The following DPYSL2 variants were observed in gnomAD, a reference collection of about 807,000 sequenced individuals.
DPYSL2 encodes dihydropyrimidinase like 2.
A neutral mutation model predicts 69.9 loss-of-function variants in DPYSL2; 13 were observed. The observed-to-expected ratio is 0.19, with a 90% CI of 0.12 to 0.30. DPYSL2 has a LOEUF of 0.30. Among genes scored for constraint, DPYSL2 ranks in the 10% least tolerant of loss-of-function variants. The pLI is 1.00. For synonymous variants in DPYSL2, 326 were observed against 359.1 expected, an observed-to-expected ratio of 0.91 and a Z score of 1.04; for missense variants, 587 against 918.9, an observed-to-expected ratio of 0.64 and a Z score of 4.67.
chr8:26,552,005 G>A (rs111309654), intron 1 of DPYSL2, among the ~76,000 whole-genome samples: 1,691 of 151,968 alleles, frequency 0.011, 15 homozygotes, highest in Non-Finnish European at 0.015. Flanking sequence ...ATAGAGACGC[G>A]GTCTGACTAT....
rs755418814 is a variant in DPYSL2 at position 26,641,315 on chromosome 8, G to A, written c.1127-2124G>A. 1.9e-4 allele frequency among the ~76,000 whole-genome samples: 29 copies of A among 152,178 alleles called. No homozygotes were observed. The highest frequency in any genetic ancestry group is 3.9e-4 in the East Asian group (2 of 5,190). On this transcript the variant is annotated intron_variant, in intron 8 of 13. Transcript: ENST00000521913. This position sits in a 1 kb window ranked among gnomAD's most constrained non-coding sequence, Gnocchi z 4.1. ...AAAAGCAGGAAGCCTTTAGGGCCACGCATCTCTTGTTTTCCTGTGACTTAC... is the reference window on the plus strand; with the variant it reads ...AAAAGCAGGAAGCCTTTAGGGCCACACATCTCTTGTTTTCCTGTGACTTAC...
rs1585572809 is a variant in DPYSL2 at position 26,648,031 on chromosome 8, A to G, written c.1596+231A>G. ...CATTTTGGAATACCACAGCCTCTCTATCTATAGACCTTTAGAGCCTCTAAA... is the reference window on the plus strand; with the variant it reads ...CATTTTGGAATACCACAGCCTCTCTGTCTATAGACCTTTAGAGCCTCTAAA... On this transcript the variant is annotated intron_variant, in intron 11 of 13. Coordinates refer to ENST00000521913, the MANE Select transcript of DPYSL2 (RefSeq NM_001197293.3). This position sits in a 1 kb window ranked among gnomAD's most constrained non-coding sequence, Gnocchi z 4.3. Among the ~76,000 whole-genome samples the G allele has an allele frequency of 1.3e-5, 2 of 152,186 alleles. No individual in the cohort carries two copies. The highest frequency in any genetic ancestry group is 4.1e-4 in the South Asian group (2 of 4,828).
intron 1 of DPYSL2, chr8:26,577,179 C>G (rs1270682405): frequency 2.2e-6 from 1 of 446,300 alleles, no homozygotes; most frequent in African/African-American, 2.1e-5. Flanking sequence ...AGCCCGGCGC[C>G]TCCACGCGGG....
chr8:26,652,200 G>T lies in DPYSL2; in HGVS notation c.1597-57G>T. 1 of 1,527,048 alleles carries T rather than the reference G, an allele frequency of 6.5e-7. No individual in the cohort carries two copies. 94.6% of individuals were successfully genotyped at this position (1,527,048 alleles called of 1,614,324 possible). ...GGGTTGGGGCAGTGGGTGCTGCCGGGTGGATTGAGTCCAGCCAGAGTGGCC... is the reference window on the plus strand; with the variant it reads ...GGGTTGGGGCAGTGGGTGCTGCCGGTTGGATTGAGTCCAGCCAGAGTGGCC... On this transcript the variant is annotated intron_variant, in intron 11 of 13. Transcript: ENST00000521913. This position sits in a 1 kb window ranked among gnomAD's most constrained non-coding sequence, Gnocchi z 6.3.
rs1246472234 is a variant in DPYSL2, at chr8:26,517,976, C to A, written c.354+3297C>A. ...CCTACTCCATCCCCATAGCATGCCCCTTCTAGACCTTTCTTCTTCCAAAGG... is the reference window on the plus strand; with the variant it reads ...CCTACTCCATCCCCATAGCATGCCCATTCTAGACCTTTCTTCTTCCAAAGG... On this transcript the variant is annotated intron_variant, in intron 1 of 13. Transcript: ENST00000521913. This position sits in a 1 kb window ranked among gnomAD's most constrained non-coding sequence, Gnocchi z 4.2. Among the ~76,000 whole-genome samples the A allele has an allele frequency of 1.3e-5, 2 of 152,232 alleles. No individual in the cohort carries two copies. Among genetic ancestry groups the A allele is most frequent in the African/African-American group, 2.4e-5 (1 of 41,470 alleles).
intron 7 of DPYSL2, among the ~76,000 whole-genome samples, chr8:26,634,577 C>T (rs1161147728): frequency 1.3e-5 from 2 of 152,050 alleles, no homozygotes; most frequent in Non-Finnish European, 2.9e-5. Context: ...CCACTGTGTC[C>T]AGCCACAGGA....
chr8:26,516,621 A>C lies in DPYSL2; in HGVS notation c.354+1942A>C, dbSNP rs1478706610. On this transcript the variant is annotated intron_variant, in intron 1 of 13. Coordinates refer to ENST00000521913, the MANE Select transcript of DPYSL2 (RefSeq NM_001197293.3). The surrounding 1 kb of genome is among the most constrained non-coding windows in gnomAD (Gnocchi z 4.8). The stretch of plus-strand genomic sequence containing the variant: ...ATATGAAATTCTAAATTGTAAAACT[A>C]AGGCACGCAGAGGGGGAGATTTGAA... Among the ~76,000 whole-genome samples the C allele has an allele frequency of 6.6e-6, 1 of 152,174 alleles. No homozygotes were observed. The highest frequency in any genetic ancestry group is 2.4e-5 in the African/African-American group (1 of 41,444).
In DPYSL2 at chr8:26,621,652, C is replaced by T. The variant is rs139213416; in HGVS notation, c.629-2491C>T. ...GCCACCCTGGGATGGTGACATATAG[C>T]CCCAGTGAGAAGGATGAGGAGATGC... On this transcript the variant is annotated intron_variant, in intron 3 of 13. Coordinates refer to ENST00000521913, the MANE Select transcript of DPYSL2 (RefSeq NM_001197293.3). This position sits in a 1 kb window ranked among gnomAD's most constrained non-coding sequence, Gnocchi z 4.9. 0.012 allele frequency among the ~76,000 whole-genome samples: 1,888 copies of T among 152,152 alleles called. 30 individuals carry two copies. The highest frequency in any genetic ancestry group is 0.061 in the South Asian group (292 of 4,820).
In DPYSL2 at chr8:26,610,699, A is replaced by G. The variant is rs1420913072; in HGVS notation, c.629-13444A>G. Among the ~76,000 whole-genome samples, 2 of 152,132 alleles carry G rather than the reference A, an allele frequency of 1.3e-5. No homozygotes were observed. Among genetic ancestry groups the G allele is most frequent in the Admixed American group, 1.3e-4 (2 of 15,282 alleles). On this transcript the variant is annotated intron_variant, in intron 3 of 13. Transcript: ENST00000521913. The surrounding 1 kb of genome is among the most constrained non-coding windows in gnomAD (Gnocchi z 4.5). The stretch of plus-strand genomic sequence containing the variant: ...ATAGAAGGGTGCATCTCGTCTCCCC[A>G]CAACAGCACTGGAAGGTGCTAGAAC...
At chr8:26,534,098 G>A (rs141961242) in intron 1 of DPYSL2, among the ~76,000 whole-genome samples, 1 of 152,274 alleles carries the variant, frequency 6.6e-6, no homozygotes, top group African/African-American at 2.4e-5. Flanking sequence ...ACTGGTTATT[G>A]GAATTATTAG....
At chr8:26,524,835 A>AAAAAAAAAAAAAAAAAAAAG (rs1563374151) in intron 1 of DPYSL2, among the ~76,000 whole-genome samples, 2 of 74,228 alleles carry the variant, frequency 2.7e-5, no homozygotes, top group Non-Finnish European at 2.7e-5. Flanking sequence ...AAAAAAAAAA[A>AAAAAAAAAAAAAAAAAAAAG]AGAGAGAGAA....
intron 1 of DPYSL2, among the ~76,000 whole-genome samples, chr8:26,530,452 A>G (rs549846015): frequency 1.3e-5 from 2 of 152,322 alleles, no homozygotes; most frequent in African/African-American, 4.8e-5. Context: ...GGACTTTGAA[A>G]TTGTCATGGA....
chr8:26,578,160 A>AAAAAC (rs1305054483), intron 1 of DPYSL2: 17 of 1,601,462 alleles, frequency 1.1e-5, no homozygotes, highest in Admixed American at 7.1e-5. Flanking sequence ...TGCAAAGGAA[A>AAAAAC]AAAACAAAAC....
Position 26,643,512 on chromosome 8 carries a change from G to A in DPYSL2, c.1200G>A (p.Trp400Ter). The part of the protein sequence containing the change: ...TDGSHYWSKN[W>*]AKAAAFVTSP... Reference sequence around the variant, plus strand: ...GCTCCCATTACTGGAGCAAGAACTGGGCCAAGGCTGCTGCCTTTGTCACCT... The same window carrying A: ...GCTCCCATTACTGGAGCAAGAACTGAGCCAAGGCTGCTGCCTTTGTCACCT... Residue 400 changes from tryptophan (W) to a stop codon, truncating the protein, a stop_gained, in exon 9 of 14, where the codon TGG becomes TGA. Coordinates refer to ENST00000521913, the MANE Select transcript of DPYSL2 (RefSeq NM_001197293.3). LOFTEE classifies it high-confidence loss of function. The surrounding 1 kb of genome is among the most constrained non-coding windows in gnomAD (Gnocchi z 6.5). 6.2e-7 allele frequency: 1 copy of A among 1,613,662 alleles called. No individual in the cohort carries two copies. Among genetic ancestry groups the A allele is most frequent in the Non-Finnish European group, 8.5e-7 (1 of 1,179,796 alleles).
intron 3 of DPYSL2, 116 bp downstream of exon 3, chr8:26,584,099 A>G: frequency 1.0e-6 from 1 of 997,286 alleles, no homozygotes; most frequent in African/African-American, 1.6e-5. Flanking sequence ...AGTTCAATCT[A>G]CCAAATAAGG....
At chr8:26,522,599 T>C (rs1016600385) in intron 1 of DPYSL2, among the ~76,000 whole-genome samples, 5 of 152,232 alleles carry the variant, frequency 3.3e-5, no homozygotes, top group African/African-American at 1.2e-4. Flanking sequence ...TAATAACTAA[T>C]AATGTTGAGC....
intron 3 of DPYSL2, among the ~76,000 whole-genome samples, chr8:26,594,614 ATC>A (rs1470376465): frequency 6.6e-6 from 1 of 152,104 alleles, no homozygotes; most frequent in African/African-American, 2.4e-5. Flanking sequence ...ATTATCACTT[ATC>A]TGTTTTACTT....
rs536604416 is a variant in DPYSL2 at position 26,623,485 on chromosome 8, A to G, written c.629-658A>G. ...ATTAAGGAGTTTACCCCAGGACACCATGCAGGTGAATGATGGAGCCAGGAA... is the reference window on the plus strand; with the variant it reads ...ATTAAGGAGTTTACCCCAGGACACCGTGCAGGTGAATGATGGAGCCAGGAA... On this transcript the variant is annotated intron_variant, in intron 3 of 13. Transcript: ENST00000521913. Among the ~76,000 whole-genome samples, 14 of 152,338 alleles carry G rather than the reference A, an allele frequency of 9.2e-5. No individual in the cohort carries two copies. The South Asian group carries it at 2.9e-3, about 32-fold the overall frequency.
At position 26,655,845 on chromosome 8, in the gene DPYSL2, A is replaced by C. The variant is rs1389671708; in HGVS notation, c.*139A>C. On this transcript the variant is annotated 3_prime_UTR_variant, in exon 14 of 14. Transcript: ENST00000521913. ...ATAGTTACTGTGGAGCAGCCAGTTC[A>C]TGGGGTCCCCCTTGGGGCCCCACAC... 2.3e-6 allele frequency: 2 copies of C among 854,136 alleles called. No homozygotes were observed. Among genetic ancestry groups the C allele is most frequent in the Non-Finnish European group, 3.3e-6 (2 of 603,664 alleles). 52.9% of individuals were successfully genotyped at this position (854,136 alleles called of 1,614,324 possible).
Sources: gnomAD v4.1 joint callset for allele counts (sites outside exome capture counted in the v4.1 genomes callset) on GRCh38, gnomAD v4.1.1 for gene constraint, Gnocchi (gnomAD v3.1) non-coding constraint, MANE v1.5 for transcripts, NCBI Gene and HGNC (gene_info 2026-07-23, HGNC 2026-07-21) for gene names.